The following IRAK2 variants were observed in gnomAD, a reference collection of about 807,000 sequenced individuals.
The protein encoded by IRAK2 is interleukin-1 receptor-associated kinase-like 2.
In IRAK2, 57 loss-of-function variants were observed where a neutral mutation model predicts 72.0. The ratio of observed to expected loss-of-function variants is 0.79; its 90% confidence interval spans 0.64 to 0.99. The LOEUF (loss-of-function observed/expected upper bound fraction) is 0.99, where lower values mean the gene tolerates loss of function less well. Among genes scored for constraint, IRAK2 ranks in the 50% least tolerant of loss-of-function variants. IRAK2 has a pLI of 0.00. For synonymous variants in IRAK2, 293 were observed against 312.7 expected (o/e 0.94, Z 0.67); for missense variants, 790 against 794.4 (o/e 0.99, Z 0.07).
In IRAK2 at chr3:10,226,440, G is replaced by A. The variant is rs1697777006; in HGVS notation, c.1272+7G>A. 1 of 1,611,984 alleles carries A rather than the reference G, an allele frequency of 6.2e-7. No individual in the cohort carries two copies. The highest frequency in any genetic ancestry group is 8.5e-7 in the Non-Finnish European group (1 of 1,178,936). ...CCGAAGCCCGGTTTACCTGGTAAGG[G>A]AACTTGTCACATCTGGCTGGGAGGT... On this transcript the variant is annotated splice_region_variant and intron_variant, in intron 10 of 12. Coordinates refer to ENST00000256458, the MANE Select transcript of IRAK2 (RefSeq NM_001570.4).
intron 8 of IRAK2, 94 bp downstream of exon 8, chr3:10,219,883 CT>C (rs1010153877): frequency 1.9e-5 from 15 of 796,362 alleles, no homozygotes; most frequent in Admixed American, 1.0e-4. Flanking sequence ...CCACTCACCC[CT>C]GTCCTCTTTG....
At chr3:10,207,077 T>C (rs1324752145) in intron 3 of IRAK2, among the ~76,000 whole-genome samples, 8 of 151,630 alleles carry the variant, frequency 5.3e-5, no homozygotes, top group African/African-American at 1.7e-4. Context: ...GGTCTTAAAC[T>C]CTTTTTGTTT....
At chr3:10,176,390 T>A (rs1048532461) in intron 1 of IRAK2, among the ~76,000 whole-genome samples, 1 of 152,072 alleles carries the variant, frequency 6.6e-6, no homozygotes, top group Non-Finnish European at 1.5e-5. Flanking sequence ...AGCCTCCAAC[T>A]CCTGGGCTCA....
intron 9 of IRAK2, among the ~76,000 whole-genome samples, chr3:10,224,816 C>T (rs544316797): frequency 1.6e-4 from 24 of 146,170 alleles, no homozygotes; most frequent in Non-Finnish European, 2.2e-4. Context: ...TTGAATGCCT[C>T]CTGGCTCCTG....
chr3:10,234,664 G>A lies in IRAK2; in HGVS notation c.1473+5G>A. The A allele has an allele frequency of 6.2e-7, 1 of 1,610,048 alleles. No homozygotes were observed. On this transcript the variant is annotated splice_donor_5th_base_variant and intron_variant, in intron 11 of 12. Transcript: ENST00000256458. ...CGTAACACCAGCCTGCAGGAGGTGA[G>A]CCTCGCCCGCAGCGGCCTCGCTGCC...
intron 10 of IRAK2, among the ~76,000 whole-genome samples, chr3:10,227,958 C>A (rs1697806292): frequency 6.6e-6 from 1 of 152,008 alleles, no homozygotes; most frequent in Non-Finnish European, 1.5e-5. Context: ...ATCTTGAGTT[C>A]TTAACCACAG....
At chr3:10,199,993 T>C (rs1697330605) in intron 2 of IRAK2, among the ~76,000 whole-genome samples, 1 of 151,672 alleles carries the variant, frequency 6.6e-6, no homozygotes, top group African/African-American at 2.4e-5. Flanking sequence ...GTTCAAGTGA[T>C]TCTCCTGCCT....
chr3:10,239,727 AAAAAAAC>A (rs1698023361), intron 12 of IRAK2, among the ~76,000 whole-genome samples: 2 of 152,014 alleles, frequency 1.3e-5, no homozygotes, highest in Admixed American at 6.6e-5. Flanking sequence ...AGTCCGTCTC[AAAAAAAC>A]AAAAAACAAA....
chr3:10,189,870 C>A (rs927159194), intron 2 of IRAK2, among the ~76,000 whole-genome samples: 19 of 152,098 alleles, frequency 1.2e-4, no homozygotes, highest in Non-Finnish European at 2.5e-4. Flanking sequence ...CACAACAGAA[C>A]ATGCCTACAT....
At chr3:10,186,437 T>G (rs1200223644) in intron 2 of IRAK2, among the ~76,000 whole-genome samples, 1 of 151,624 alleles carries the variant, frequency 6.6e-6, no homozygotes, top group African/African-American at 2.4e-5. Flanking sequence ...AGCCCTGAAG[T>G]GTTTGGTCTG....
chr3:10,235,136 C>G (rs1002694744), intron 11 of IRAK2, among the ~76,000 whole-genome samples: 1 of 152,162 alleles, frequency 6.6e-6, no homozygotes, highest in African/African-American at 2.4e-5. Flanking sequence ...CCCAGGGCTC[C>G]ATCCCTGGAT....
Position 10,200,412 on chromosome 3 carries a change from T to C in IRAK2, c.321T>C (p.Pro107=), listed in dbSNP as rs367977074. The C allele has an allele frequency of 1.2e-5, 19 of 1,606,758 alleles. No individual in the cohort carries two copies. The African/African-American group carries it at 1.7e-4, about 15-fold the overall frequency. Residue 107 remains proline, a synonymous_variant, in exon 3 of 13, where the codon CCT becomes CCC. Transcript: ENST00000256458. ...TCAGGTGTCCCATTCCAGCCTTCCC[T>C]GACTCTGTGAAGCCAGAAAAGCCTT... ...PEIRCPIPAF[P]DSVKPEKPLA...
At chr3:10,214,002 CA>C (rs1187446182) in intron 6 of IRAK2, among the ~76,000 whole-genome samples, 1 of 151,622 alleles carries the variant, frequency 6.6e-6, no homozygotes, top group Non-Finnish European at 1.5e-5. Context: ...GATCTCGGCT[CA>C]CTGCAATCTC....
intron 2 of IRAK2, among the ~76,000 whole-genome samples, chr3:10,182,363 A>C (rs1037308250): frequency 2.7e-5 from 4 of 150,766 alleles, no homozygotes; most frequent in Non-Finnish European, 4.4e-5. Context: ...GCTCACTGCA[A>C]GCTCCGCCTC....
chr3:10,232,621 G>A (rs530029641), intron 10 of IRAK2, among the ~76,000 whole-genome samples: 4 of 152,042 alleles, frequency 2.6e-5, no homozygotes, highest in East Asian at 1.9e-4. Context: ...TTTGATTATC[G>A]TCATAGTCTT....
rs561705376 is a variant in IRAK2, at chr3:10,227,675, G to GTTTT, written c.1272+1244_1272+1247dup. Among the ~76,000 whole-genome samples the GTTTT allele has an allele frequency of 3.2e-3, 468 of 147,450 alleles. 5 individuals are homozygous for GTTTT. Among genetic ancestry groups the GTTTT allele is most frequent in the African/African-American group, 9.6e-3 (382 of 39,598 alleles). On this transcript the variant is annotated intron_variant, in intron 10 of 12. Coordinates refer to ENST00000256458, the MANE Select transcript of IRAK2 (RefSeq NM_001570.4). ...AGCCGACATCATGAGTTTTTTTTTT[G>GTTTT]TTTTTGTTTTTGAGACGGAGTCTTG...
At chr3:10,177,003 G>A (rs1001207165) in intron 1 of IRAK2, among the ~76,000 whole-genome samples, 4 of 150,912 alleles carry the variant, frequency 2.7e-5, no homozygotes, top group Non-Finnish European at 5.9e-5. Flanking sequence ...GGGTTTCACC[G>A]TGTTAGCCAG....
chr3:10,195,885 A>G (rs1439708417), intron 2 of IRAK2, among the ~76,000 whole-genome samples: 1 of 151,996 alleles, frequency 6.6e-6, no homozygotes, highest in Non-Finnish European at 1.5e-5. Flanking sequence ...GCCCCACTTG[A>G]GGCAGTTTGA....
At chr3:10,198,964 C>A (rs76831261) in intron 2 of IRAK2, among the ~76,000 whole-genome samples, 1 of 152,118 alleles carries the variant, frequency 6.6e-6, no homozygotes, top group Non-Finnish European at 1.5e-5. Context: ...GAATGCAGGG[C>A]TATAGCATCA....
Sources: gnomAD v4.1 joint callset for allele counts (sites outside exome capture counted in the v4.1 genomes callset) on GRCh38, gnomAD v4.1.1 for gene constraint, MANE v1.5 for transcripts, NCBI Gene and HGNC (gene_info 2026-07-23, HGNC 2026-07-21) for gene names.